CCDC17: variants seen among roughly 807,000 people sequenced by gnomAD.
CCDC17 encodes the protein coiled-coil domain-containing protein 17.
CCDC17 carries 79 observed loss-of-function variants against 68.0 expected under a neutral mutation model. That is an observed-to-expected ratio of 1.16 (90% CI 0.97 to 1.40). The LOEUF (loss-of-function observed/expected upper bound fraction) is 1.40, where lower values mean the gene tolerates loss of function less well. Among genes scored for constraint, CCDC17 ranks in the 40% most tolerant of loss-of-function variants. CCDC17 has a pLI of 0.00. For synonymous variants in CCDC17, 376 were observed against 337.5 expected (o/e 1.11, Z -1.25); for missense variants, 846 against 811.5 (o/e 1.04, Z -0.52).
rs1644356900 is a variant in CCDC17, at chr1:45,623,558, T to C, written c.269A>G (p.Glu90Gly). 2.6e-6 allele frequency: 4 copies of C among 1,548,964 alleles called. No individual in the cohort carries two copies. Among genetic ancestry groups the C allele is most frequent in the Middle Eastern group, 1.7e-4 (1 of 6,014 alleles). The change falls in exon 2 of 13, where the codon GAG (glutamate) becomes GGG (glycine). Residue 90 changes from glutamate (E) to glycine (G), a missense_variant and splice_region_variant. Glu to Gly is a moderately conservative substitution (Grantham distance 98, BLOSUM62 -2). Transcript: ENST00000528266. ...CTGGGGGAAGGTAGGTAGCTCTACC[T>C]CCTCTGTTAACCTCTTTAGAGCAGA... is the stretch of plus-strand genomic sequence containing the variant. ...SRSALKRLTE[E>G]VQWLRLSLQE...
rs1252513234 is a variant in CCDC17 at position 45,623,865 on chromosome 1, G to A, written c.45C>T (p.Thr15=). ...SGEPALLPCG[T]CDMVFRSSAL... is the part of the protein sequence containing the mutation. ...CTGAGGAGCGGAAAACCATGTCACA[G>A]GTCCCACAGGGCAGGAGCGCAGGCT... The change falls in exon 1 of 13, where the codon ACC becomes ACT. Residue 15 remains threonine, a synonymous_variant. Coordinates refer to ENST00000528266, the MANE Select transcript of CCDC17 (RefSeq NM_001114938.3). The A allele has an allele frequency of 1.3e-6, 2 of 1,548,452 alleles. No individual in the cohort carries two copies. The highest frequency in any genetic ancestry group is 1.2e-5 in the South Asian group (1 of 83,548).
At position 45,623,057 on chromosome 1, in the gene CCDC17, C is replaced by A. The variant is rs760875732; in HGVS notation, c.554G>T (p.Gly185Val). The A allele has an allele frequency of 1.2e-6, 2 of 1,610,180 alleles. No individual in the cohort carries two copies. Among genetic ancestry groups the A allele is most frequent in the Non-Finnish European group, 8.5e-7 (1 of 1,178,396 alleles). Reference sequence around the variant, plus strand: ...TAGTTCTCGAATCTCCTGCTCCAGGCCGAAGAGGCGGGACATCCCGCCCCG... The same window carrying A: ...TAGTTCTCGAATCTCCTGCTCCAGGACGAAGAGGCGGGACATCCCGCCCCG... ...CTRGGMSRLFGLEQEIRELQA... is the reference protein window; with the variant it reads ...CTRGGMSRLFVLEQEIRELQA... Residue 185 changes from glycine to valine, a missense_variant, in exon 4 of 13, where the codon GGC becomes GTC. Transcript: ENST00000528266.
Position 45,623,896 on chromosome 1 carries a change from G to A in CCDC17, c.14C>T (p.Ser5Phe). The stretch of plus-strand genomic sequence containing the variant: ...ACAGGGCAGGAGCGCAGGCTCCCCA[G>A]AGTGGGAGTCCATGGGATGGGACCC... MDSH[S>F]GEPALLPCGT... The change falls in exon 1 of 13, where the codon TCT becomes TTT. Residue 5 changes from serine (S) to phenylalanine (F), a missense_variant. Coordinates refer to ENST00000528266, the MANE Select transcript of CCDC17 (RefSeq NM_001114938.3). 1 of 1,524,780 alleles carries A rather than the reference G, an allele frequency of 6.6e-7. No homozygotes were observed. Among genetic ancestry groups the A allele is most frequent in the Admixed American group, 2.2e-5 (1 of 45,918 alleles). The allele number at this position is 1,524,780 out of a possible 1,614,324, so 94.5% of individuals were successfully genotyped here. A position where few individuals can be genotyped will look rare whatever the true frequency, so the allele number is the denominator to read the frequency against.
chr1:45,621,371 G>T lies in CCDC17; in HGVS notation c.1298C>A (p.Ala433Glu). The stretch of plus-strand genomic sequence containing the variant: ...GGGCAGGCAAAGGGCTGGGGGCAAC[G>T]CTGTGGTCCTTCCTGTATCCCGTCC... The part of the protein sequence containing the change: ...RDGRDTGRTT[A>E]LPPALCLPPP... Residue 433 changes from alanine to glutamate, a missense_variant, in exon 10 of 13, where the codon GCG (alanine) becomes GAG (glutamate). By Grantham distance (107) the Ala-to-Glu change is moderately radical. Transcript: ENST00000528266. The T allele has an allele frequency of 6.3e-7, 1 of 1,591,690 alleles. No homozygotes were observed. Among genetic ancestry groups the T allele is most frequent in the Admixed American group, 1.8e-5 (1 of 56,318 alleles).
At position 45,623,887 on chromosome 1, in the gene CCDC17, G is replaced by A; in HGVS notation, c.23C>T (p.Pro8Leu). Residue 8 changes from proline to leucine, a missense_variant, in exon 1 of 13, where the codon CCT becomes CTT. Pro to Leu is a moderately conservative substitution (Grantham distance 98, BLOSUM62 -3). Coordinates refer to ENST00000528266, the MANE Select transcript of CCDC17 (RefSeq NM_001114938.3). Reference sequence around the variant, plus strand: ...ACAGGTCCCACAGGGCAGGAGCGCAGGCTCCCCAGAGTGGGAGTCCATGGG... The same window carrying A: ...ACAGGTCCCACAGGGCAGGAGCGCAAGCTCCCCAGAGTGGGAGTCCATGGG... The part of the protein sequence containing the change: MDSHSGE[P>L]ALLPCGTCDM... 2.0e-6 allele frequency: 3 copies of A among 1,533,698 alleles called. No homozygotes were observed. Among genetic ancestry groups the A allele is most frequent in the Admixed American group, 4.2e-5 (2 of 47,788 alleles).
Position 45,623,821 on chromosome 1 carries a change from G to T in CCDC17, c.89C>A (p.Thr30Asn). 1 of 1,551,636 alleles carries T rather than the reference G, an allele frequency of 6.4e-7. No homozygotes were observed. Among genetic ancestry groups the T allele is most frequent in the Non-Finnish European group, 8.7e-7 (1 of 1,146,926 alleles). ...FRSSALLATH[T>N]QRFCIGHPTQ... is the part of the protein sequence containing the mutation. Reference sequence around the variant, plus strand: ...CGGGTGGCCAATGCAGAAGCGCTGAGTATGGGTGGCTAACAGAGCTGAGGA... The same window carrying T: ...CGGGTGGCCAATGCAGAAGCGCTGATTATGGGTGGCTAACAGAGCTGAGGA... The change falls in exon 1 of 13, where the codon ACT (threonine) becomes AAT (asparagine). Residue 30 changes from threonine (T) to asparagine (N), a missense_variant. Thr to Asn is a moderately conservative substitution (Grantham distance 65, BLOSUM62 0). Coordinates refer to ENST00000528266, the MANE Select transcript of CCDC17 (RefSeq NM_001114938.3).
Position 45,620,220 on chromosome 1 carries a change from A to T in CCDC17, c.*55T>A, listed in dbSNP as rs1644197071. On this transcript the variant is annotated 3_prime_UTR_variant, in exon 13 of 13. Coordinates refer to ENST00000528266, the MANE Select transcript of CCDC17 (RefSeq NM_001114938.3). Reference sequence around the variant, plus strand: ...TGGAGTAGTAAACCTGTAGGTCTGGAAATAGGCCCCAGTCCTGTGCATGTT... The same window carrying T: ...TGGAGTAGTAAACCTGTAGGTCTGGTAATAGGCCCCAGTCCTGTGCATGTT... 1 of 1,543,510 alleles carries T rather than the reference A, an allele frequency of 6.5e-7. No individual in the cohort carries two copies. The highest frequency in any genetic ancestry group is 8.7e-7 in the Non-Finnish European group (1 of 1,148,966).
rs764249753 is a variant in CCDC17 at position 45,621,684 on chromosome 1, G to C, written c.1138C>G (p.Leu380Val). The stretch of plus-strand genomic sequence containing the variant: ...CCCAGCATGTCCGATGTGGGCAGGA[G>C]GAAGTGTGAGTCCAGGCCCAGGTTT... Reference protein sequence around the residue: ...TRNLGLDSHFLLPTSDMLGPA... With the variant: ...TRNLGLDSHFVLPTSDMLGPA... Residue 380 changes from leucine (L) to valine (V), a missense_variant, in exon 9 of 13, where the codon CTC becomes GTC. Transcript: ENST00000528266. 1.9e-6 allele frequency: 3 copies of C among 1,613,884 alleles called. No homozygotes were observed. The highest frequency in any genetic ancestry group is 1.7e-6 in the Non-Finnish European group (2 of 1,179,872).
Position 45,620,329 on chromosome 1 carries a change from T to G in CCDC17, c.1815A>C (p.Arg605Ser), listed in dbSNP as rs200069968. 1 of 1,609,610 alleles carries G rather than the reference T, an allele frequency of 6.2e-7. No homozygotes were observed. Among genetic ancestry groups the G allele is most frequent in the African/African-American group, 1.3e-5 (1 of 74,818 alleles). ...TGTGGTGAGGGCCCAAACCCTCATC[T>G]CTATCCTTGACTCCACTGAGGGGCT... ...TEEPLSGVKDRDEGLGPHHSS... is the reference protein window; with the variant it reads ...TEEPLSGVKDSDEGLGPHHSS... The change falls in exon 13 of 13, where the codon AGA becomes AGC. Residue 605 changes from arginine to serine, a missense_variant. Transcript: ENST00000528266.
chr1:45,623,216 C>T lies in CCDC17; in HGVS notation c.493+1G>A. Reference sequence around the variant, plus strand: ...TGGTCCCCGTCCCCCATCTCCTTCACCCTCGCCGCGTAGCTGCAGGGCCCG... The same window carrying T: ...TGGTCCCCGTCCCCCATCTCCTTCATCCTCGCCGCGTAGCTGCAGGGCCCG... On this transcript the variant is annotated splice_donor_variant, in intron 3 of 12. Coordinates refer to ENST00000528266, the MANE Select transcript of CCDC17 (RefSeq NM_001114938.3). LOFTEE classifies it high-confidence loss of function. 1 of 1,543,610 alleles carries T rather than the reference C, an allele frequency of 6.5e-7. No individual in the cohort carries two copies. The highest frequency in any genetic ancestry group is 8.7e-7 in the Non-Finnish European group (1 of 1,145,004).
chr1:45,621,094 C>T lies in CCDC17; in HGVS notation c.1408G>A (p.Val470Ile), dbSNP rs17410855. ...PVPRLPPSSS[V>I]SLVCELQVWQ... ...ACCTGCAGCTCACAGACCAAAGATA[C>T]TGATGATGAGGGTGGTAGTCTGTAG... The change falls in exon 11 of 13, where the codon GTA (valine) becomes ATA (isoleucine). Residue 470 changes from valine (V) to isoleucine (I), a missense_variant. Transcript: ENST00000528266. 18,071 of 1,613,696 alleles carry T rather than the reference C, an allele frequency of 0.011. 141 individuals are homozygous for T. The highest frequency in any genetic ancestry group is 0.014 in the Non-Finnish European group (16,279 of 1,179,628).
chr1:45,622,098 C>G (rs971510742), intron 7 of CCDC17, 103 bp from the exon 8 acceptor site: 1 of 1,334,426 alleles, frequency 7.5e-7, no homozygotes, highest in Non-Finnish European at 1.0e-6. Context: ...TTGGCGGAGC[C>G]CTGTGGATAC....
In CCDC17 at chr1:45,620,230, C is replaced by T; in HGVS notation, c.*45G>A. 5 of 1,576,346 alleles carry T rather than the reference C, an allele frequency of 3.2e-6. No homozygotes were observed. Among genetic ancestry groups the T allele is most frequent in the Non-Finnish European group, 3.4e-6 (4 of 1,165,468 alleles). ...AACCTGTAGGTCTGGAAATAGGCCC[C>T]AGTCCTGTGCATGTTCAGATGCTCA... On this transcript the variant is annotated 3_prime_UTR_variant, in exon 13 of 13. Coordinates refer to ENST00000528266, the MANE Select transcript of CCDC17 (RefSeq NM_001114938.3).
intron 7 of CCDC17, 27 bp from the exon 8 acceptor site, chr1:45,622,022 C>G (rs1644282038): frequency 1.9e-6 from 3 of 1,574,258 alleles, no homozygotes; most frequent in Non-Finnish European, 2.6e-6. Flanking sequence ...TAGGGTGCCC[C>G]TAAGTTGGAC....
At chr1:45,622,404 G>A (rs74575174) in intron 6 of CCDC17, 56 bp from the exon 7 acceptor site, 477 of 1,531,326 alleles carry the variant, frequency 3.1e-4, no homozygotes, top group Admixed American at 1.7e-3. Flanking sequence ...GGCCGCGTCC[G>A]GCTGTGAGCA....
rs1174134467 is a variant in CCDC17, at chr1:45,623,550, G to A, written c.270+7C>T. 1 of 1,548,578 alleles carries A rather than the reference G, an allele frequency of 6.5e-7. No individual in the cohort carries two copies. Among genetic ancestry groups the A allele is most frequent in the African/African-American group, 1.4e-5 (1 of 73,054 alleles). On this transcript the variant is annotated splice_region_variant and intron_variant, in intron 2 of 12. Coordinates refer to ENST00000528266, the MANE Select transcript of CCDC17 (RefSeq NM_001114938.3). ...TTTGAGCCCTGGGGGAAGGTAGGTA[G>A]CTCTACCTCCTCTGTTAACCTCTTT...
At position 45,621,490 on chromosome 1, in the gene CCDC17, GAA is replaced by G; in HGVS notation, c.1185-8_1185-7del. The G allele has an allele frequency of 1.3e-6, 2 of 1,580,746 alleles. No individual in the cohort carries two copies. Among genetic ancestry groups the G allele is most frequent in the Non-Finnish European group, 1.7e-6 (2 of 1,163,850 alleles). On this transcript the variant is annotated splice_polypyrimidine_tract_variant and splice_region_variant and intron_variant, in intron 9 of 12. Coordinates refer to ENST00000528266, the MANE Select transcript of CCDC17 (RefSeq NM_001114938.3). ...AGAAAATGACCAGGCCAGCCCTGGG[GAA>G]CACAAGTCTTAGCACAGAAATACCC... is the stretch of plus-strand genomic sequence containing the variant.
chr1:45,620,506 G>A, intron 12 of CCDC17, 73 bp from the exon 13 acceptor site: 1 of 1,470,318 alleles, frequency 6.8e-7, no homozygotes, highest in Non-Finnish European at 9.0e-7. Flanking sequence ...AGTTAGTTAG[G>A]CTTCCTTAGA....
Position 45,623,539 on chromosome 1 carries a change from G to A in CCDC17, c.270+18C>T. 5 of 1,548,424 alleles carry A rather than the reference G, an allele frequency of 3.2e-6. No individual in the cohort carries two copies. In the South Asian group the frequency reaches 3.6e-5, roughly 11 times the overall value. ...ACGCTCAACGTTTTGAGCCCTGGGG[G>A]AAGGTAGGTAGCTCTACCTCCTCTG... is the stretch of plus-strand genomic sequence containing the variant. On this transcript the variant is annotated intron_variant, in intron 2 of 12. Transcript: ENST00000528266.
Sources: gnomAD v4.1 joint callset for allele counts on GRCh38, gnomAD v4.1.1 for gene constraint, MANE v1.5 for transcripts, NCBI Gene and HGNC (gene_info 2026-07-23, HGNC 2026-07-21) for gene names.